Variants in RNF216 observed in about 807,000 individuals in gnomAD.
The protein encoded by RNF216 is E3 ubiquitin-protein ligase RNF216.
Under a neutral mutation model 110.8 loss-of-function variants are expected in RNF216, and 72 were observed. The ratio of observed to expected loss-of-function variants is 0.65; its 90% CI spans 0.54 to 0.79. The LOEUF (loss-of-function observed/expected upper bound fraction) is 0.79. Among genes scored for constraint, RNF216 ranks in the 30% least tolerant of loss-of-function variants. The probability of loss-of-function intolerance (pLI) is 0.00; values close to 1 mark genes in which losing one functional copy is unlikely to be tolerated. For synonymous variants in RNF216, 495 were observed against 407.5 expected (o/e 1.21, Z -2.59); for missense variants, 1,342 against 1,141.2 (o/e 1.18, Z -2.54).
At chr7:5,643,638 G>A (rs1314786923) in intron 14 of RNF216, among the ~76,000 whole-genome samples, 2 of 152,166 alleles carry the variant, frequency 1.3e-5, no homozygotes, top group African/African-American at 2.4e-5. Flanking sequence ...CCCTTTGTGA[G>A]CGTGAAGATG....
chr7:5,657,741 C>A (rs181428169), intron 13 of RNF216, among the ~76,000 whole-genome samples: 1 of 152,182 alleles, frequency 6.6e-6, no homozygotes, highest in East Asian at 1.9e-4. Flanking sequence ...CCCACCCATA[C>A]GCCCAAATGA....
chr7:5,707,323 A>C (rs1318024767), intron 13 of RNF216, among the ~76,000 whole-genome samples: 1 of 152,124 alleles, frequency 6.6e-6, no homozygotes, highest in Non-Finnish European at 1.5e-5. Flanking sequence ...AGTTTTTTAT[A>C]GTTTTCAGTG....
intron 14 of RNF216, among the ~76,000 whole-genome samples, chr7:5,649,218 C>T (rs990525110): frequency 6.6e-6 from 1 of 151,898 alleles, no homozygotes; most frequent in African/African-American, 2.4e-5. Flanking sequence ...AAAGTAAAAC[C>T]CCATCTCTAC....
chr7:5,728,276 T>C (rs1271371542), intron 7 of RNF216, among the ~76,000 whole-genome samples: 2 of 152,252 alleles, frequency 1.3e-5, no homozygotes, highest in Non-Finnish European at 2.9e-5. Flanking sequence ...GCCCCTCTAT[T>C]TTTCTTTCAG....
At chr7:5,774,075 T>C (rs188172960) in intron 1 of RNF216, among the ~76,000 whole-genome samples, 1 of 152,324 alleles carries the variant, frequency 6.6e-6, no homozygotes, top group East Asian at 1.9e-4. Flanking sequence ...ATTCTGATGA[T>C]GGAATTTCTA....
At chr7:5,671,805 C>CAAAAAAAAAAAAA (rs11319565) in intron 13 of RNF216, among the ~76,000 whole-genome samples, 4 of 54,242 alleles carry the variant, frequency 7.4e-5, no homozygotes, top group African/African-American at 1.6e-4. Flanking sequence ...AACTCCGTCT[C>CAAAAAAAAAAAAA]AAAAAAAAAA....
chr7:5,738,986 A>C (rs941423960), intron 5 of RNF216, among the ~76,000 whole-genome samples: 15 of 152,334 alleles, frequency 9.8e-5, no homozygotes, highest in Admixed American at 3.3e-4. Context: ...GAAAAGAACA[A>C]ACACATGAGG....
intron 13 of RNF216, among the ~76,000 whole-genome samples, chr7:5,686,303 T>C (rs1156240705): frequency 6.6e-6 from 1 of 151,086 alleles, no homozygotes; most frequent in Non-Finnish European, 1.5e-5. Context: ...GTGGTTTCTG[T>C]GGGGGCTTCT....
At chr7:5,777,425 C>T (rs1464224837) in intron 1 of RNF216, 4 of 152,196 alleles carry the variant, frequency 2.6e-5, no homozygotes, top group Non-Finnish European at 5.9e-5. Flanking sequence ...ATCAACCTGG[C>T]TGCAATGTGT....
intron 15 of RNF216, among the ~76,000 whole-genome samples, chr7:5,626,139 G>C (rs1405565325): frequency 7.9e-5 from 12 of 152,226 alleles, no homozygotes; most frequent in Admixed American, 5.2e-4. Flanking sequence ...TGAGGGAGCT[G>C]TCTCTCTCCA....
intron 4 of RNF216, 50 bp from the exon 5 acceptor site, chr7:5,739,402 CAAATGGCAA>C: frequency 6.5e-7 from 1 of 1,544,916 alleles, no homozygotes; most frequent in Non-Finnish European, 8.8e-7. Context: ...AGAATGGTTT[CAAATGGCAA>C]TACAAGACAG....
chr7:5,649,782 A>C (rs1176123383), intron 14 of RNF216: 1 of 152,218 alleles, frequency 6.6e-6, no homozygotes, highest in African/African-American at 2.4e-5. Flanking sequence ...TATTACTTTA[A>C]GCCTCAACAG....
chr7:5,743,797 A>G (rs1295389781), intron 3 of RNF216, among the ~76,000 whole-genome samples: 1 of 152,208 alleles, frequency 6.6e-6, no homozygotes, highest in Non-Finnish European at 1.5e-5. Context: ...CCTGAGGACT[A>G]TGCCACTGAA....
intron 13 of RNF216, among the ~76,000 whole-genome samples, chr7:5,668,722 C>G (rs1283588581): frequency 6.6e-6 from 1 of 152,168 alleles, no homozygotes; most frequent in Non-Finnish European, 1.5e-5. Context: ...GCCAGAGATC[C>G]CAGTCCCGAG....
intron 13 of RNF216, among the ~76,000 whole-genome samples, chr7:5,660,758 T>A (rs1306694365): frequency 6.7e-6 from 1 of 148,208 alleles, no homozygotes; most frequent in South Asian, 2.2e-4. Flanking sequence ...TTTGTAGAGA[T>A]GGGGTCTTGC....
At position 5,723,625 on chromosome 7, in the gene RNF216, C is replaced by A. The variant is rs191692056; in HGVS notation, c.1504+1699G>T. On this transcript the variant is annotated intron_variant, in intron 8 of 16. Transcript: ENST00000389902. ...TTGCGCCACTGCACTCCAGCCTGGG[C>A]GACAGAGCAAGACTCCGTCTCAAAA... 2.7e-5 allele frequency among the ~76,000 whole-genome samples: 4 copies of A among 150,896 alleles called. No homozygotes were observed. In the East Asian group the frequency reaches 7.8e-4, roughly 29 times the overall value.
At chr7:5,683,820 G>C (rs1421828839) in intron 13 of RNF216, among the ~76,000 whole-genome samples, 2 of 152,162 alleles carry the variant, frequency 1.3e-5, no homozygotes, top group Non-Finnish European at 2.9e-5. Flanking sequence ...AAAAGTGCAA[G>C]ATAAGCCCAG....
chr7:5,756,155 G>C (rs1795631406), intron 2 of RNF216, among the ~76,000 whole-genome samples: 1 of 152,044 alleles, frequency 6.6e-6, no homozygotes, highest in Non-Finnish European at 1.5e-5. Flanking sequence ...ATATGCACTG[G>C]CATTTCCCCT....
intron 9 of RNF216, among the ~76,000 whole-genome samples, chr7:5,719,724 C>A (rs148119231): frequency 1.6e-4 from 25 of 152,284 alleles, no homozygotes; most frequent in African/African-American, 5.1e-4. Context: ...GAATTTTGGT[C>A]AAAAATAATC....
Sources: gnomAD v4.1 joint callset for allele counts (sites outside exome capture counted in the v4.1 genomes callset) on GRCh38, gnomAD v4.1.1 for gene constraint, MANE v1.5 for transcripts, NCBI Gene and HGNC (gene_info 2026-07-23, HGNC 2026-07-21) for gene names.